The following ZGRF1 variants were observed in gnomAD, a reference collection of about 807,000 sequenced individuals.
The protein encoded by ZGRF1 is 5'-3' DNA helicase ZGRF1.
In ZGRF1, 196 loss-of-function variants were observed where a neutral mutation model predicts 203.5. The observed-to-expected ratio is 0.96, with a 90% CI of 0.86 to 1.08. The LOEUF (loss-of-function observed/expected upper bound fraction) is 1.08, where lower values mean the gene tolerates loss of function less well. ZGRF1 is among the 50% of genes least tolerant of loss of function. The pLI, the probability that ZGRF1 is intolerant of heterozygous loss-of-function variation, is 0.00. For missense variants in ZGRF1, 2,326 were observed against 2,416.3 expected, an observed-to-expected ratio of 0.96 and a Z score of 0.78; for synonymous variants, 809 against 841.3, an observed-to-expected ratio of 0.96 and a Z score of 0.66.
chr4:112,574,058 T>C (rs1333146595), intron 16 of ZGRF1, among the ~76,000 whole-genome samples: 2 of 152,184 alleles, frequency 1.3e-5, no homozygotes, highest in African/African-American at 4.8e-5. Context: ...TGGAAATCAG[T>C]TTGGCATCAC....
chr4:112,539,904 C>A lies in ZGRF1; in HGVS notation c.6131G>T (p.Arg2044Met), dbSNP rs1470287360. ...LLIVGNLACL[R>M]KNQLWGRVIQ... ...CACTCGTCCCCAAAGTTGATTTTTCCTCAAACAGGCTAAATTTCCCACAAT... is the reference window on the plus strand; with the variant it reads ...CACTCGTCCCCAAAGTTGATTTTTCATCAAACAGGCTAAATTTCCCACAAT... Residue 2044 changes from arginine (R) to methionine (M), a missense_variant, in exon 27 of 28, where the codon AGG (arginine) becomes ATG (methionine). Coordinates refer to ENST00000505019, the MANE Select transcript of ZGRF1 (RefSeq NM_018392.5). The A allele has an allele frequency of 6.2e-7, 1 of 1,613,792 alleles. No individual in the cohort carries two copies. Among genetic ancestry groups the A allele is most frequent in the South Asian group, 1.1e-5 (1 of 91,068 alleles).
In ZGRF1 at chr4:112,620,045, C is replaced by A. The variant is rs768493027; in HGVS notation, c.308G>T (p.Arg103Leu). 1 of 1,605,676 alleles carries A rather than the reference C, an allele frequency of 6.2e-7. No homozygotes were observed. The highest frequency in any genetic ancestry group is 1.1e-5 in the South Asian group (1 of 88,744). The change falls in exon 5 of 28, where the codon CGA (arginine) becomes CTA (leucine). Residue 103 changes from arginine to leucine, a missense_variant. Coordinates refer to ENST00000505019, the MANE Select transcript of ZGRF1 (RefSeq NM_018392.5). Reference protein sequence around the residue: ...LNSRTFISSGRSLGCQPSGLK... With the variant: ...LNSRTFISSGLSLGCQPSGLK... The stretch of plus-strand genomic sequence containing the variant: ...GCCAGAGGGCTGACATCCAAGAGAT[C>A]GGCCAGAGGATATAAATGTCCTTGA...
intron 6 of ZGRF1, among the ~76,000 whole-genome samples, 190 bp downstream of exon 6, chr4:112,617,250 T>C (rs563568229): frequency 6.6e-6 from 1 of 152,324 alleles, no homozygotes; most frequent in Non-Finnish European, 1.5e-5. Flanking sequence ...AAGGGTAGAA[T>C]AAGGGATGTG....
intron 10 of ZGRF1, among the ~76,000 whole-genome samples, chr4:112,599,822 A>G (rs1749653029): frequency 6.6e-6 from 1 of 152,146 alleles, no homozygotes; most frequent in African/African-American, 2.4e-5. Context: ...TAATATATGG[A>G]CCCTTGATTC....
chr4:112,564,864 C>G, intron 16 of ZGRF1: 1 of 610,198 alleles, frequency 1.6e-6, no homozygotes, highest in Non-Finnish European at 3.0e-6. Context: ...ATTATAAATT[C>G]TTTTTACTGA....
chr4:112,562,418 G>C lies in ZGRF1; in HGVS notation c.4650C>G (p.Asp1550Glu), dbSNP rs1256045859. ...GAGGTAGAGTAGCTGGATTAAAGTAGTCCTGAATGTTTTTCAAAGTAGTCA... is the reference window on the plus strand; with the variant it reads ...GAGGTAGAGTAGCTGGATTAAAGTACTCCTGAATGTTTTTCAAAGTAGTCA... ...TELTTLKNIQDYFNPATLPLT... is the reference protein window; with the variant it reads ...TELTTLKNIQEYFNPATLPLT... The change falls in exon 18 of 28, where the codon GAC becomes GAG. Residue 1550 changes from aspartate to glutamate, a missense_variant. Physicochemically the swap from Asp to Glu is conservative, Grantham distance 45. Transcript: ENST00000505019. The C allele has an allele frequency of 1.2e-6, 2 of 1,610,054 alleles. No individual in the cohort carries two copies. Among genetic ancestry groups the C allele is most frequent in the African/African-American group, 2.7e-5 (2 of 74,858 alleles).
At chr4:112,614,203 C>G (rs2046787423) in intron 6 of ZGRF1, among the ~76,000 whole-genome samples, 1 of 152,132 alleles carries the variant, frequency 6.6e-6, no homozygotes, top group Non-Finnish European at 1.5e-5. Context: ...CCTAGTGATT[C>G]AATCTTCTCA....
chr4:112,560,134 G>A (rs781283181), intron 19 of ZGRF1, among the ~76,000 whole-genome samples: 6 of 152,164 alleles, frequency 3.9e-5, no homozygotes, highest in Non-Finnish European at 7.3e-5. Flanking sequence ...TTGGGGTGGA[G>A]GTCTATGAGA....
intron 10 of ZGRF1, among the ~76,000 whole-genome samples, chr4:112,595,276 T>C (rs150097914): frequency 1.3e-3 from 193 of 152,306 alleles, no homozygotes; most frequent in African/African-American, 4.2e-3. Flanking sequence ...TAAATATGAA[T>C]TGGTCTGTGC....
intron 3 of ZGRF1, chr4:112,628,948 C>A: frequency 2.9e-6 from 1 of 350,014 alleles, no homozygotes; most frequent in Non-Finnish European, 5.5e-6. Context: ...TATGGATATG[C>A]AAAGACCTGA....
At chr4:112,550,862 A>T (rs1043193555) in intron 22 of ZGRF1, among the ~76,000 whole-genome samples, 9 of 152,080 alleles carry the variant, frequency 5.9e-5, no homozygotes, top group African/African-American at 7.2e-5. Flanking sequence ...AAAATTAAAA[A>T]TTTTTTTAGA....
chr4:112,635,565 T>TTA, intron 1 of ZGRF1, among the ~76,000 whole-genome samples: 1 of 150,284 alleles, frequency 6.7e-6, no homozygotes, highest in Non-Finnish European at 1.5e-5. Flanking sequence ...ATTATAAACA[T>TTA]TATATACATT....
At chr4:112,625,127 A>T (rs756851000) in intron 3 of ZGRF1, among the ~76,000 whole-genome samples, 23 of 152,130 alleles carry the variant, frequency 1.5e-4, no homozygotes, top group Non-Finnish European at 2.9e-4. Flanking sequence ...ATCTCTAAAA[A>T]ATTTTTTTTA....
chr4:112,613,651 AGGGTAAAAGTGTTC>A (rs2046770504), intron 6 of ZGRF1, among the ~76,000 whole-genome samples: 1 of 152,220 alleles, frequency 6.6e-6, no homozygotes, highest in Non-Finnish European at 1.5e-5. Context: ...AGCTATGACA[AGGGTAAAAGTGTTC>A]GGGTAAAAGG....
chr4:112,608,311 C>T (rs1011551445), intron 8 of ZGRF1, among the ~76,000 whole-genome samples: 8 of 152,112 alleles, frequency 5.3e-5, no homozygotes, highest in Non-Finnish European at 8.8e-5. Context: ...CTCTGTGATA[C>T]CTGTCCTTAA....
At chr4:112,562,126 C>T in intron 18 of ZGRF1, 1 of 337,266 alleles carries the variant, frequency 3.0e-6, no homozygotes, top group South Asian at 2.9e-5. Flanking sequence ...TCAGGCTGGT[C>T]TCGAACTCCC....
intron 16 of ZGRF1, among the ~76,000 whole-genome samples, chr4:112,571,138 C>T (rs934279726): frequency 6.8e-6 from 1 of 147,982 alleles, no homozygotes; most frequent in African/African-American, 2.5e-5. Flanking sequence ...TTAAGGAAAA[C>T]TTACAGCCCT....
intron 10 of ZGRF1, among the ~76,000 whole-genome samples, chr4:112,594,392 C>T (rs1748651574): frequency 6.6e-6 from 1 of 151,106 alleles, no homozygotes. Flanking sequence ...TCTTTTTCTA[C>T]TATATTTTCT....
intron 10 of ZGRF1, among the ~76,000 whole-genome samples, chr4:112,592,814 A>G (rs532034821): frequency 1.3e-5 from 2 of 152,348 alleles, no homozygotes; most frequent in African/African-American, 2.4e-5. Context: ...CAAAAAATGT[A>G]TATGTTGAAG....
Sources: allele counts gnomAD v4.1 joint callset (sites outside exome capture counted in the v4.1 genomes callset), GRCh38; gene constraint gnomAD v4.1.1; transcripts MANE v1.5; gene names NCBI Gene and HGNC (gene_info 2026-07-23, HGNC 2026-07-21).